The following DLG2 variants were observed in gnomAD, a reference collection of about 807,000 sequenced individuals.
The protein encoded by DLG2 is discs large MAGUK scaffold protein 2, also known as disks large homolog 2.
DLG2 carries 45 observed loss-of-function variants against 132.5 expected under a neutral mutation model. The observed-to-expected ratio is 0.34, with a 90% CI of 0.27 to 0.44. DLG2 has a LOEUF of 0.44. Among genes scored for constraint, DLG2 ranks in the 20% least tolerant of loss-of-function variants. DLG2 has a pLI of 1.00. For synonymous variants in DLG2, 424 were observed against 419.6 expected (o/e 1.01, Z -0.13); for missense variants, 1,045 against 1,196.9 (o/e 0.87, Z 1.87).
chr11:84,304,497 T>C (rs2098193246), intron 7 of DLG2, among the ~76,000 whole-genome samples: 1 of 152,232 alleles, frequency 6.6e-6, no homozygotes. Flanking sequence ...GGAAAGCCGA[T>C]AACCTAGCAC....
chr11:84,546,011 C>T (rs934007888), intron 6 of DLG2, among the ~76,000 whole-genome samples: 2 of 152,148 alleles, frequency 1.3e-5, no homozygotes, highest in Non-Finnish European at 2.9e-5. Flanking sequence ...CCGCCTCGGC[C>T]TCCCGAAGTG....
intron 16 of DLG2, among the ~76,000 whole-genome samples, chr11:83,866,145 C>T (rs972854870): frequency 6.6e-6 from 1 of 151,890 alleles, no homozygotes; most frequent in Non-Finnish European, 1.5e-5. Flanking sequence ...CAATTAATGT[C>T]TCATTTTCTC....
rs994359108 is a variant in DLG2 at position 84,403,836 on chromosome 11, T to C, written c.519+130734A>G. On this transcript the variant is annotated intron_variant, in intron 7 of 27. Coordinates refer to ENST00000376104, the MANE Select transcript of DLG2 (RefSeq NM_001142699.3). ...GACCTCCTAAATATTGGTCTTCTGT[T>C]GAAAATAACCTTGATAACTCACAGT... Among the ~76,000 whole-genome samples, 9 of 152,320 alleles carry C rather than the reference T, an allele frequency of 5.9e-5. No homozygotes were observed. The South Asian group carries it at 1.0e-3, about 18-fold the overall frequency.
chr11:85,336,779 G>T (rs900651703), intron 3 of DLG2, among the ~76,000 whole-genome samples: 2 of 152,188 alleles, frequency 1.3e-5, no homozygotes, highest in Admixed American at 1.3e-4. Context: ...GCCAAACTGA[G>T]CAATTTTGGT....
intron 3 of DLG2, among the ~76,000 whole-genome samples, chr11:85,487,738 G>C (rs1032114477): frequency 4.6e-5 from 7 of 152,092 alleles, no homozygotes; most frequent in Non-Finnish European, 8.8e-5. Context: ...GAGATCAAAA[G>C]ACTTAGAAAA....
intron 6 of DLG2, chr11:84,800,416 G>A (rs1295431585): frequency 6.6e-6 from 1 of 152,102 alleles, no homozygotes; most frequent in Non-Finnish European, 1.5e-5. Context: ...TTTCTAGCTG[G>A]AAATTGCATG....
intron 7 of DLG2, among the ~76,000 whole-genome samples, chr11:84,380,885 T>G (rs545557655): frequency 4.6e-5 from 7 of 152,100 alleles, no homozygotes; most frequent in African/African-American, 1.7e-4. Flanking sequence ...ACATTTCATA[T>G]CATATGCTAC....
At chr11:83,895,484 G>A (rs1420609829) in intron 15 of DLG2, among the ~76,000 whole-genome samples, 2 of 152,136 alleles carry the variant, frequency 1.3e-5, no homozygotes, top group Non-Finnish European at 2.9e-5. Context: ...TAACACAGTA[G>A]TGGAAACATT....
intron 18 of DLG2, among the ~76,000 whole-genome samples, chr11:83,642,586 A>G (rs533255203): frequency 6.6e-6 from 1 of 152,304 alleles, no homozygotes; most frequent in South Asian, 2.1e-4. Context: ...TACATACATC[A>G]AATTTCAATT....
intron 6 of DLG2, among the ~76,000 whole-genome samples, chr11:84,606,814 A>C (rs2099586511): frequency 6.6e-6 from 1 of 152,128 alleles, no homozygotes; most frequent in African/African-American, 2.4e-5. Flanking sequence ...TGATGCGTTA[A>C]GCTCCTCTTT....
intron 11 of DLG2, among the ~76,000 whole-genome samples, chr11:83,988,915 G>GT (rs2093529846): frequency 6.6e-6 from 1 of 151,214 alleles, no homozygotes; most frequent in Non-Finnish European, 1.5e-5. Context: ...TTGTTTATAT[G>GT]TTTTTTATGT....
intron 6 of DLG2, among the ~76,000 whole-genome samples, chr11:84,595,145 C>A (rs2099553480): frequency 6.6e-6 from 1 of 152,096 alleles, no homozygotes; most frequent in Admixed American, 6.6e-5. Flanking sequence ...AGAAAAAGTT[C>A]TATTTCTGAA....
intron 4 of DLG2, among the ~76,000 whole-genome samples, chr11:85,255,114 C>T (rs1213853627): frequency 6.6e-6 from 1 of 151,958 alleles, no homozygotes; most frequent in African/African-American, 2.4e-5. Flanking sequence ...ACTTTTTGCT[C>T]TATAAGTCAT....
chr11:85,481,512 T>C (rs973181181), intron 3 of DLG2, among the ~76,000 whole-genome samples: 2 of 152,076 alleles, frequency 1.3e-5, no homozygotes, highest in Non-Finnish European at 2.9e-5. Flanking sequence ...AGAGATACCT[T>C]CCACTTGAGA....
intron 3 of DLG2, among the ~76,000 whole-genome samples, chr11:85,454,900 C>T (rs1377619683): frequency 2.0e-5 from 3 of 150,932 alleles, no homozygotes; most frequent in Admixed American, 6.6e-5. Flanking sequence ...TGTCTGTTTT[C>T]GTATCAGTGT....
intron 7 of DLG2, among the ~76,000 whole-genome samples, chr11:84,312,766 T>G (rs2098301044): frequency 6.6e-6 from 1 of 152,170 alleles, no homozygotes; most frequent in Non-Finnish European, 1.5e-5. Context: ...GTAGGAGAGA[T>G]ATCTACTTTC....
intron 5 of DLG2, among the ~76,000 whole-genome samples, chr11:85,142,028 T>C (rs1029175626): frequency 1.3e-5 from 2 of 151,794 alleles, no homozygotes; most frequent in Non-Finnish European, 3.0e-5. Context: ...CCATGATGGC[T>C]TTGGCTATCC....
chr11:84,033,767 G>A (rs559132883), intron 11 of DLG2, among the ~76,000 whole-genome samples: 14 of 152,204 alleles, frequency 9.2e-5, no homozygotes, highest in South Asian at 8.3e-4. Flanking sequence ...GGCCGGGCGC[G>A]GTGGCTCATG....
chr11:85,134,375 A>C (rs2075990954), intron 5 of DLG2, among the ~76,000 whole-genome samples: 1 of 150,386 alleles, frequency 6.6e-6, no homozygotes, highest in African/African-American at 2.4e-5. Context: ...TAAAAATACA[A>C]AAAATTAGCC....
Sources: allele counts gnomAD v4.1 joint callset (sites outside exome capture counted in the v4.1 genomes callset), GRCh38; gene constraint gnomAD v4.1.1; transcripts MANE v1.5; gene names NCBI Gene and HGNC (gene_info 2026-07-23, HGNC 2026-07-21).